LRP1B: variants seen among roughly 807,000 people sequenced by gnomAD.
LRP1B encodes low-density lipoprotein receptor-related protein 1B.
LRP1B carries 217 observed loss-of-function variants against 556.6 expected under a neutral mutation model. The observed-to-expected ratio is 0.39, with a 90% confidence interval of 0.35 to 0.44. LRP1B has a LOEUF of 0.44. LRP1B is among the 20% of genes least tolerant of loss of function. The probability of loss-of-function intolerance (pLI) is 1.00; values close to 1 mark genes in which losing one functional copy is unlikely to be tolerated. For missense variants in LRP1B, 5,053 were observed against 5,620.8 expected (o/e 0.90, Z 3.23); for synonymous variants, 2,047 against 1,865.8 (o/e 1.10, Z -2.50).
At chr2:140,501,626 A>T (rs2104890103) in intron 55 of LRP1B, 61 bp downstream of exon 55, 2 of 1,245,386 alleles carry the variant, frequency 1.6e-6, no homozygotes. Flanking sequence ...TGGATTAAAT[A>T]GCTTTCTTAA....
chr2:140,804,620 AG>A (rs1002680676), intron 32 of LRP1B, among the ~76,000 whole-genome samples: 7 of 149,974 alleles, frequency 4.7e-5, no homozygotes, highest in African/African-American at 1.7e-4. Context: ...CAGCTGAAAA[AG>A]CTTAAGAGTT....
At chr2:141,634,912 G>C (rs906617222) in intron 2 of LRP1B, among the ~76,000 whole-genome samples, 9 of 151,918 alleles carry the variant, frequency 5.9e-5, no homozygotes, top group African/African-American at 1.9e-4. Flanking sequence ...ATTATTATTA[G>C]AGTGGTGGTT....
At chr2:141,355,216 G>C (rs1308571362) in intron 3 of LRP1B, among the ~76,000 whole-genome samples, 5 of 151,936 alleles carry the variant, frequency 3.3e-5, no homozygotes, top group Non-Finnish European at 7.4e-5. Flanking sequence ...TCATCTATAT[G>C]AACTAATGTC....
intron 31 of LRP1B, among the ~76,000 whole-genome samples, chr2:140,836,513 A>G (rs1461101982): frequency 1.3e-5 from 2 of 152,114 alleles, no homozygotes; most frequent in South Asian, 4.1e-4. Context: ...TTAGACTTTG[A>G]ACAATTTAAT....
At chr2:141,967,135 T>C (rs929102650) in intron 1 of LRP1B, among the ~76,000 whole-genome samples, 24 of 151,952 alleles carry the variant, frequency 1.6e-4, no homozygotes, top group African/African-American at 5.3e-4. Flanking sequence ...ATTTGCTTAG[T>C]ATTTATTTTA....
At chr2:140,288,823 T>C (rs955256516) in intron 84 of LRP1B, among the ~76,000 whole-genome samples, 3 of 151,888 alleles carry the variant, frequency 2.0e-5, no homozygotes, top group Non-Finnish European at 4.4e-5. Flanking sequence ...TTTTTCAACC[T>C]ACAACTAAGT....
At chr2:140,936,339 C>CAAAA (rs59717868) in intron 20 of LRP1B, among the ~76,000 whole-genome samples, 263 of 86,566 alleles carry the variant, frequency 3.0e-3, no homozygotes, top group East Asian at 5.0e-3. Flanking sequence ...GACTCCGTCT[C>CAAAA]AAAAAAAAAA....
At chr2:140,594,059 C>A (rs1682335467) in intron 43 of LRP1B, among the ~76,000 whole-genome samples, 1 of 151,918 alleles carries the variant, frequency 6.6e-6, no homozygotes, top group Non-Finnish European at 1.5e-5. Context: ...CTTACTGCAA[C>A]CTCCACCTCC....
chr2:141,577,204 C>T (rs955497668), intron 2 of LRP1B, among the ~76,000 whole-genome samples: 2 of 152,088 alleles, frequency 1.3e-5, no homozygotes, highest in Non-Finnish European at 2.9e-5. Flanking sequence ...TGGAAGATCA[C>T]CTAAATCTTT....
At chr2:141,795,776 C>G (rs1381809852) in intron 2 of LRP1B, among the ~76,000 whole-genome samples, 1 of 143,162 alleles carries the variant, frequency 7.0e-6, no homozygotes, top group Non-Finnish European at 1.5e-5. Flanking sequence ...GCAGGCTGAA[C>G]CAGTTTTAAT....
chr2:141,409,477 A>G (rs558687917), intron 3 of LRP1B, among the ~76,000 whole-genome samples: 1 of 152,268 alleles, frequency 6.6e-6, no homozygotes, highest in East Asian at 1.9e-4. Flanking sequence ...GACGTTCAAT[A>G]CGAATCAGTT....
intron 37 of LRP1B, among the ~76,000 whole-genome samples, chr2:140,709,292 C>A (rs1296185604): frequency 6.6e-6 from 1 of 151,964 alleles, no homozygotes. Flanking sequence ...TTTTTAACAT[C>A]TTAATGGGGC....
chr2:142,017,710 A>C (rs1703194445), intron 1 of LRP1B, among the ~76,000 whole-genome samples: 1 of 151,958 alleles, frequency 6.6e-6, no homozygotes. Context: ...ACACAGTGGG[A>C]CCCTGTCTCT....
intron 41 of LRP1B, among the ~76,000 whole-genome samples, chr2:140,687,381 A>G (rs1366207290): frequency 6.6e-6 from 1 of 152,204 alleles, no homozygotes; most frequent in African/African-American, 2.4e-5. Context: ...AAAGTATTCA[A>G]TTGAATATGG....
At chr2:142,000,209 A>G (rs867239389) in intron 1 of LRP1B, among the ~76,000 whole-genome samples, 5 of 152,130 alleles carry the variant, frequency 3.3e-5, no homozygotes, top group African/African-American at 1.2e-4. Flanking sequence ...TGAAGGCACA[A>G]ACTCATGGCA....
In LRP1B at chr2:141,722,772, AGATAGATC is replaced by A. The variant is rs1478681848; in HGVS notation, c.205+87499_205+87506del. 1.3e-4 allele frequency among the ~76,000 whole-genome samples: 19 copies of A among 150,764 alleles called. No individual in the cohort carries two copies. The South Asian group carries it at 3.5e-3, about 28-fold the overall frequency. ...TAGATAGATAGATAGATAGATAGAT[AGATAGATC>A]AATCTATCACCTGTACAGGAATATG... is the stretch of plus-strand genomic sequence containing the variant. On this transcript the variant is annotated intron_variant, in intron 2 of 90. Coordinates refer to ENST00000389484, the MANE Select transcript of LRP1B (RefSeq NM_018557.3).
At chr2:141,457,030 T>G (rs1294598725) in intron 3 of LRP1B, among the ~76,000 whole-genome samples, 1 of 152,212 alleles carries the variant, frequency 6.6e-6, no homozygotes, top group Non-Finnish European at 1.5e-5. Flanking sequence ...TGGAATGAGT[T>G]AGATCAGGTG....
At chr2:140,778,366 GATAAA>G (rs1369592011) in intron 32 of LRP1B, among the ~76,000 whole-genome samples, 2 of 152,130 alleles carry the variant, frequency 1.3e-5, no homozygotes, top group Non-Finnish European at 2.9e-5. Flanking sequence ...TATTTTCAAT[GATAAA>G]ATTAAAGCTT....
rs2104895732 is a variant in LRP1B, at chr2:140,502,992, G to A, written c.8633C>T (p.Ala2878Val). Residue 2878 changes from alanine (A) to valine (V), a missense_variant, in exon 54 of 91, where the codon GCA (alanine) becomes GTA (valine). Ala to Val is a moderately conservative substitution (Grantham distance 64). Coordinates refer to ENST00000389484, the MANE Select transcript of LRP1B (RefSeq NM_018557.3). ...DFDCPDHSDEAPLNPKCKSAE... is the reference protein window; with the variant it reads ...DFDCPDHSDEVPLNPKCKSAE... Reference sequence around the variant, plus strand: ...ACTTTTACACTTTGGGTTTAAAGGTGCTTCATCAGAATGGTCAGGACAGTC... The same window carrying A: ...ACTTTTACACTTTGGGTTTAAAGGTACTTCATCAGAATGGTCAGGACAGTC... The A allele has an allele frequency of 1.2e-6, 2 of 1,613,200 alleles. No homozygotes were observed. The highest frequency in any genetic ancestry group is 1.7e-6 in the Non-Finnish European group (2 of 1,179,308).
Sources: allele counts gnomAD v4.1 joint callset (sites outside exome capture counted in the v4.1 genomes callset), GRCh38; gene constraint gnomAD v4.1.1; transcripts MANE v1.5; gene names NCBI Gene and HGNC (gene_info 2026-07-23, HGNC 2026-07-21).